Variants in OSBPL10 observed in about 807,000 individuals in gnomAD.
OSBPL10 encodes oxysterol-binding protein-related protein 10.
A neutral mutation model predicts 81.7 loss-of-function variants in OSBPL10; 49 were observed. That is an observed-to-expected ratio of 0.60 (90% CI 0.48 to 0.76). The LOEUF (loss-of-function observed/expected upper bound fraction) is 0.76, where lower values mean the gene tolerates loss of function less well. Among genes scored for constraint, OSBPL10 ranks in the 30% least tolerant of loss-of-function variants. The pLI, the probability that OSBPL10 is intolerant of heterozygous loss-of-function variation, is 0.00. For missense variants in OSBPL10, 923 were observed against 987.8 expected, an observed-to-expected ratio of 0.93 and a Z score of 0.88; for synonymous variants, 419 against 383.6, an observed-to-expected ratio of 1.09 and a Z score of -1.08.
chr3:32,059,961 G>C (rs1379494099), intron 1 of OSBPL10, among the ~76,000 whole-genome samples: 1 of 152,088 alleles, frequency 6.6e-6, no homozygotes, highest in Non-Finnish European at 1.5e-5. Flanking sequence ...CGAGAAGCCA[G>C]GAGAGTGGAG....
rs1386785320 is a variant in OSBPL10 at position 32,065,635 on chromosome 3, G to A, written n.185+11761C>T. Among the ~76,000 whole-genome samples, 37 of 90,816 alleles carry A rather than the reference G, an allele frequency of 4.1e-4. 10 individuals carry two copies. The highest frequency in any genetic ancestry group is 1.0e-3 in the African/African-American group (37 of 35,384). The allele number at this position is 90,816 out of a possible 152,430, so 59.6% of individuals were successfully genotyped here. On this transcript the variant is annotated intron_variant and non_coding_transcript_variant, in intron 1 of 3. Transcript: ENST00000479173. ...AGTGGCTCACTCCTATAATCCCCCC[G>A]CTTTGAGAGCCTGAGGCAGGTGGAT...
intron 5 of OSBPL10, among the ~76,000 whole-genome samples, chr3:31,734,935 A>G (rs1240208909): frequency 6.6e-6 from 1 of 152,236 alleles, no homozygotes; most frequent in South Asian, 2.1e-4. Flanking sequence ...CATTAGAATT[A>G]CTCAAAGAAA....
At chr3:31,768,797 G>A (rs866433385) in intron 4 of OSBPL10, among the ~76,000 whole-genome samples, 10 of 152,174 alleles carry the variant, frequency 6.6e-5, no homozygotes, top group African/African-American at 2.2e-4. Flanking sequence ...ATATTGCTTC[G>A]AATTGAAATA....
intron 5 of OSBPL10, among the ~76,000 whole-genome samples, chr3:31,746,524 T>C (rs1697525452): frequency 6.6e-6 from 1 of 151,478 alleles, no homozygotes; most frequent in Non-Finnish European, 1.5e-5. Context: ...ACTAAAAATA[T>C]AAAATTAGTC....
chr3:31,912,669 T>A (rs1425135238), intron 1 of OSBPL10, among the ~76,000 whole-genome samples: 1 of 152,178 alleles, frequency 6.6e-6, no homozygotes, highest in African/African-American at 2.4e-5. Context: ...TCAGCTAGAC[T>A]ACAATGCGCC....
chr3:31,732,074 AAG>A (rs1307977746), intron 6 of OSBPL10, among the ~76,000 whole-genome samples: 1 of 152,158 alleles, frequency 6.6e-6, no homozygotes, highest in Non-Finnish European at 1.5e-5. Context: ...ATGATTACTA[AAG>A]ATCTAATAAC....
intron 4 of OSBPL10, among the ~76,000 whole-genome samples, chr3:31,809,605 T>A (rs2125470975): frequency 6.6e-6 from 1 of 152,294 alleles, no homozygotes; most frequent in African/African-American, 2.4e-5. Flanking sequence ...GTGGAATAGT[T>A]GAAACGAAGT....
intron 10 of OSBPL10, among the ~76,000 whole-genome samples, chr3:31,666,567 A>T (rs1392412542): frequency 6.6e-6 from 1 of 152,148 alleles, no homozygotes; most frequent in African/African-American, 2.4e-5. Flanking sequence ...TCCACTCCTC[A>T]AGGCCGTTTC....
chr3:32,018,245 T>C (rs915558927), intron 2 of OSBPL10, among the ~76,000 whole-genome samples: 5 of 152,142 alleles, frequency 3.3e-5, no homozygotes, highest in African/African-American at 4.8e-5. Context: ...TGTTAAACTA[T>C]GATGGTAAAG....
At chr3:31,837,365 A>G (rs1265199176) in intron 3 of OSBPL10, among the ~76,000 whole-genome samples, 2 of 33,946 alleles carry the variant, frequency 5.9e-5, no homozygotes, top group African/African-American at 7.3e-5. Flanking sequence ...ATATATATAT[A>G]TATATATATA....
chr3:31,963,778 G>A (rs552771219), intron 1 of OSBPL10, among the ~76,000 whole-genome samples: 1 of 151,828 alleles, frequency 6.6e-6, no homozygotes, highest in Non-Finnish European at 1.5e-5. Flanking sequence ...TGAAATCTCT[G>A]GATAAAAATG....
At chr3:31,664,510 A>T in intron 10 of OSBPL10, 1 of 546,378 alleles carries the variant, frequency 1.8e-6, no homozygotes, top group Non-Finnish European at 3.3e-6. Context: ...AGTAGTTGGC[A>T]TTCTGCTACT....
intron 4 of OSBPL10, among the ~76,000 whole-genome samples, chr3:31,814,228 C>A (rs1699777492): frequency 6.6e-6 from 1 of 152,182 alleles, no homozygotes; most frequent in African/African-American, 2.4e-5. Flanking sequence ...GAAAGACAAA[C>A]CCAAGAGCTT....
At chr3:32,020,158 A>G (rs575303448) in intron 2 of OSBPL10, among the ~76,000 whole-genome samples, 2 of 152,308 alleles carry the variant, frequency 1.3e-5, no homozygotes, top group African/African-American at 4.8e-5. Flanking sequence ...GTTATTTTCT[A>G]TAGCTTTGTT....
rs147689453 is a variant in OSBPL10 at position 31,785,894 on chromosome 3, C to A, written c.730-37774G>T. 3.2e-3 allele frequency among the ~76,000 whole-genome samples: 485 copies of A among 152,260 alleles called. 2 individuals carry two copies. The highest frequency in any genetic ancestry group is 4.2e-3 in the Non-Finnish European group (289 of 68,026). ...ATTCTGGGAGACTCAAGCTTCTGGG[C>A]ATAAAATGGCCACAGTTATGATTCA... On this transcript the variant is annotated intron_variant, in intron 4 of 11. Coordinates refer to ENST00000396556, the MANE Select transcript of OSBPL10 (RefSeq NM_017784.5).
chr3:31,922,549 C>G (rs1469776404), intron 1 of OSBPL10, among the ~76,000 whole-genome samples: 6 of 151,992 alleles, frequency 3.9e-5, no homozygotes, highest in African/African-American at 1.5e-4. Context: ...ACCCGGGAGG[C>G]GGAGGTTGCA....
At chr3:31,979,423 T>C (rs1435586011) in intron 1 of OSBPL10, among the ~76,000 whole-genome samples, 1 of 152,208 alleles carries the variant, frequency 6.6e-6, no homozygotes, top group African/African-American at 2.4e-5. Flanking sequence ...AAGTTGAGTT[T>C]CGTGCAGATA....
chr3:31,888,532 A>G (rs1445079017), intron 1 of OSBPL10, among the ~76,000 whole-genome samples: 3 of 152,244 alleles, frequency 2.0e-5, no homozygotes, highest in Non-Finnish European at 4.4e-5. Flanking sequence ...TGAAAAGACA[A>G]TCTACAGAAT....
chr3:31,942,971 G>A (rs1053126136), intron 1 of OSBPL10, among the ~76,000 whole-genome samples: 4 of 152,126 alleles, frequency 2.6e-5, no homozygotes, highest in Non-Finnish European at 2.9e-5. Context: ...CATCACCCCA[G>A]AGAGAAATTC....
Sources: gnomAD v4.1 joint callset for allele counts (sites outside exome capture counted in the v4.1 genomes callset) on GRCh38, gnomAD v4.1.1 for gene constraint, MANE v1.5 for transcripts, NCBI Gene and HGNC (gene_info 2026-07-23, HGNC 2026-07-21) for gene names.